FRMPD2: variants seen among roughly 807,000 people sequenced by gnomAD.
FRMPD2 encodes the protein FERM and PDZ domain containing 2.
FRMPD2 carries 96 observed loss-of-function variants against 140.1 expected under a neutral mutation model. The observed-to-expected ratio is 0.69, with a 90% CI of 0.58 to 0.81. FRMPD2 has a LOEUF of 0.81. Ranked by LOEUF, FRMPD2 falls within the 40% of genes least tolerant of loss-of-function variation. The pLI, the probability that FRMPD2 is intolerant of heterozygous loss-of-function variation, is 0.00. For missense variants in FRMPD2, 1,240 were observed against 1,447.4 expected (o/e 0.86, Z 2.32); for synonymous variants, 449 against 547.6 (o/e 0.82, Z 2.52).
intron 10 of FRMPD2, among the ~76,000 whole-genome samples, chr10:48,224,607 C>T (rs766823767): frequency 4.6e-5 from 7 of 152,198 alleles, no homozygotes; most frequent in Non-Finnish European, 8.8e-5. Context: ...AAGAGATAGG[C>T]AGTTCCCCAC....
intron 15 of FRMPD2, among the ~76,000 whole-genome samples, chr10:48,195,969 T>C (rs1838940297): frequency 6.6e-6 from 1 of 151,920 alleles, no homozygotes; most frequent in Admixed American, 6.6e-5. Context: ...GAGTGGTCCA[T>C]CCACCTAGGA....
chr10:48,214,271 C>T (rs1400985421), intron 12 of FRMPD2, among the ~76,000 whole-genome samples: 2 of 152,226 alleles, frequency 1.3e-5, no homozygotes, highest in Admixed American at 1.3e-4. Flanking sequence ...GCAATTCTTG[C>T]TTCCCAAATA....
chr10:48,235,389 A>G (rs1289443757), intron 9 of FRMPD2, among the ~76,000 whole-genome samples: 1 of 152,238 alleles, frequency 6.6e-6, no homozygotes, highest in African/African-American at 2.4e-5. Flanking sequence ...TCCCACGTGC[A>G]CTGACCAGTT....
chr10:48,274,576 C>A lies in FRMPD2; in HGVS notation c.-9G>T, dbSNP rs748098713. 6.2e-7 allele frequency: 1 copy of A among 1,614,088 alleles called. No homozygotes were observed. Among genetic ancestry groups the A allele is most frequent in the East Asian group, 2.2e-5 (1 of 44,878 alleles). On this transcript the variant is annotated 5_prime_UTR_variant, in exon 1 of 29. Coordinates refer to ENST00000374201, the MANE Select transcript of FRMPD2 (RefSeq NM_001018071.4). ...TTCGTTAAAGGCTGCATCCAAAAGT[C>A]TCCGTGACCAGGTCTAGGCCTTCAT...
In FRMPD2 at chr10:48,270,359, A is replaced by G. The variant is rs141217069; in HGVS notation, c.25+4184T>C. Reference sequence around the variant, plus strand: ...TTTGTAAAGCAGTTTGGCAATCTGTATCAAAAGCCAAGGGATGTCCATTCC... The same window carrying G: ...TTTGTAAAGCAGTTTGGCAATCTGTGTCAAAAGCCAAGGGATGTCCATTCC... On this transcript the variant is annotated intron_variant, in intron 1 of 28. Coordinates refer to ENST00000374201, the MANE Select transcript of FRMPD2 (RefSeq NM_001018071.4). Among the ~76,000 whole-genome samples, 8 of 152,302 alleles carry G rather than the reference A, an allele frequency of 5.3e-5. No individual in the cohort carries two copies. In the East Asian group the frequency reaches 1.2e-3, roughly 22 times the overall value.
At chr10:48,268,055 A>G (rs765671792) in intron 1 of FRMPD2, among the ~76,000 whole-genome samples, 1 of 152,246 alleles carries the variant, frequency 6.6e-6, no homozygotes, top group Admixed American at 6.5e-5. Context: ...CAAACAATCC[A>G]ATTAGAAAAA....
At chr10:48,250,111 C>A (rs1168582754) in intron 2 of FRMPD2, among the ~76,000 whole-genome samples, 1 of 152,180 alleles carries the variant, frequency 6.6e-6, no homozygotes, top group African/African-American at 2.4e-5. Flanking sequence ...CCTGCCCACA[C>A]CAACCTCCAG....
intron 2 of FRMPD2, among the ~76,000 whole-genome samples, chr10:48,250,220 G>C (rs914228764): frequency 8.5e-5 from 13 of 152,058 alleles, no homozygotes; most frequent in African/African-American, 2.9e-4. Flanking sequence ...CTATTGCCTG[G>C]GCCATGACTG....
intron 16 of FRMPD2, among the ~76,000 whole-genome samples, chr10:48,192,205 A>C (rs949975327): frequency 6.6e-6 from 1 of 152,222 alleles, no homozygotes; most frequent in Non-Finnish European, 1.5e-5. Flanking sequence ...CTTAGCCCAT[A>C]GATGGCCTTC....
At chr10:48,246,458 G>C (rs570159195) in intron 3 of FRMPD2, among the ~76,000 whole-genome samples, 4 of 152,358 alleles carry the variant, frequency 2.6e-5, no homozygotes, top group African/African-American at 9.6e-5. Flanking sequence ...TGGTGAGAAG[G>C]ATTTTGAAGG....
At chr10:48,272,558 C>A (rs1314722843) in intron 1 of FRMPD2, among the ~76,000 whole-genome samples, 1 of 152,166 alleles carries the variant, frequency 6.6e-6, no homozygotes, top group Non-Finnish European at 1.5e-5. Flanking sequence ...GCCCTTCCAC[C>A]TTTGTGTTCA....
chr10:48,216,330 G>GATA, intron 12 of FRMPD2, among the ~76,000 whole-genome samples: 1 of 112,082 alleles, frequency 8.9e-6, no homozygotes, highest in Non-Finnish European at 2.0e-5. Flanking sequence ...ATAGATAGAT[G>GATA]ATAAATAGAT....
At chr10:48,198,261 G>A (rs1838998217) in intron 15 of FRMPD2, among the ~76,000 whole-genome samples, 1 of 152,108 alleles carries the variant, frequency 6.6e-6, no homozygotes, top group Non-Finnish European at 1.5e-5. Context: ...GTAACATTTT[G>A]GTGCAGTTCA....
At chr10:48,218,911 G>A (rs984046838) in intron 12 of FRMPD2, among the ~76,000 whole-genome samples, 3 of 152,192 alleles carry the variant, frequency 2.0e-5, no homozygotes, top group Admixed American at 2.0e-4. Context: ...GACAATAAAT[G>A]ACATGTTTTA....
At chr10:48,231,315 A>T (rs1044557943) in intron 10 of FRMPD2, among the ~76,000 whole-genome samples, 2 of 152,172 alleles carry the variant, frequency 1.3e-5, no homozygotes, top group African/African-American at 4.8e-5. Flanking sequence ...TACCATAGAA[A>T]CTTTTTTCCA....
In FRMPD2 at chr10:48,232,233, G is replaced by C. The variant is rs1261262334; in HGVS notation, c.1050C>G (p.Asn350Lys). ...ALRDLCVVLL[N>K]GQHLEVKCDV... ...CACATTTTACCTCCAGGTGCTGCCC[G>C]TTCAGCAGGACCACACAGAGGTCCC... Residue 350 changes from asparagine to lysine, a missense_variant, in exon 10 of 29, where the codon AAC (asparagine) becomes AAG (lysine). Asn to Lys is a moderately conservative substitution (Grantham distance 94). Transcript: ENST00000374201. 1 of 1,614,100 alleles carries C rather than the reference G, an allele frequency of 6.2e-7. No homozygotes were observed. The highest frequency in any genetic ancestry group is 1.7e-5 in the Admixed American group (1 of 60,018).
chr10:48,238,251 C>T (rs1455011405), intron 7 of FRMPD2, 128 bp from the exon 8 acceptor site: 1 of 915,700 alleles, frequency 1.1e-6, no homozygotes, highest in South Asian at 1.7e-5. Context: ...TTCTCCCCCA[C>T]CTATGGGGGA....
chr10:48,264,166 A>C (rs1243295434), intron 1 of FRMPD2, among the ~76,000 whole-genome samples: 1 of 152,048 alleles, frequency 6.6e-6, no homozygotes, highest in Non-Finnish European at 1.5e-5. Context: ...ATATGTAAAA[A>C]AAAAAATCTA....
intron 21 of FRMPD2, among the ~76,000 whole-genome samples, chr10:48,178,569 C>T (rs1838468529): frequency 6.6e-6 from 1 of 152,134 alleles, no homozygotes; most frequent in Admixed American, 6.5e-5. Flanking sequence ...GAGGTTGAGA[C>T]CTGAAGTGAG....
Sources: allele counts gnomAD v4.1 joint callset (sites outside exome capture counted in the v4.1 genomes callset), GRCh38; gene constraint gnomAD v4.1.1; transcripts MANE v1.5; gene names NCBI Gene and HGNC (gene_info 2026-07-23, HGNC 2026-07-21).